The following EYS variants were observed in gnomAD, a reference collection of about 807,000 sequenced individuals.
EYS encodes EGF-like photoreceptor maintenance factor, also known as protein eyes shut homolog.
EYS carries 250 observed loss-of-function variants against 282.1 expected under a neutral mutation model. That is an observed-to-expected ratio of 0.89 (90% CI 0.80 to 0.98). The LOEUF is 0.98. EYS is among the 50% of genes least tolerant of loss of function. EYS has a pLI of 0.00. For synonymous variants in EYS, 1,355 were observed against 1,282.9 expected, an observed-to-expected ratio of 1.06 and a Z score of -1.20; for missense variants, 4,016 against 3,709.0, an observed-to-expected ratio of 1.08 and a Z score of -2.15.
Position 64,026,004 on chromosome 6 carries a change from T to C in EYS, c.6726-26821A>G, listed in dbSNP as rs549911921. 2.0e-5 allele frequency among the ~76,000 whole-genome samples: 3 copies of C among 152,316 alleles called. No individual in the cohort carries two copies. The South Asian group carries it at 6.2e-4, about 32-fold the overall frequency. Reference sequence around the variant, plus strand: ...GGGACAGGCAAGGGTGCAGGTTTTTTAGAATGCCTCAGTAGGGACTACTAA... The same window carrying C: ...GGGACAGGCAAGGGTGCAGGTTTTTCAGAATGCCTCAGTAGGGACTACTAA... On this transcript the variant is annotated intron_variant, in intron 33 of 42. Coordinates refer to ENST00000503581, the MANE Select transcript of EYS (RefSeq NM_001142800.2).
intron 22 of EYS, among the ~76,000 whole-genome samples, chr6:64,731,455 A>C (rs1019581136): frequency 6.6e-6 from 1 of 152,248 alleles, no homozygotes; most frequent in African/African-American, 2.4e-5. Flanking sequence ...AAGGAACTTA[A>C]ACAAATGTAC....
intron 11 of EYS, among the ~76,000 whole-genome samples, chr6:65,296,947 C>A (rs2150287045): frequency 6.6e-6 from 1 of 150,380 alleles, no homozygotes; most frequent in South Asian, 2.1e-4. Flanking sequence ...GTTAGAGAGA[C>A]AAAGATTTTT....
chr6:64,525,107 G>T (rs1777874590), intron 26 of EYS, among the ~76,000 whole-genome samples: 1 of 151,840 alleles, frequency 6.6e-6, no homozygotes, highest in African/African-American at 2.4e-5. Context: ...ATTGTGGAAA[G>T]CAGTATGGCA....
intron 12 of EYS, among the ~76,000 whole-genome samples, chr6:65,232,663 G>A (rs1322332055): frequency 6.6e-6 from 1 of 152,046 alleles, no homozygotes; most frequent in Non-Finnish European, 1.5e-5. Context: ...ATTAACTGAA[G>A]TCCATACTTG....
intron 31 of EYS, among the ~76,000 whole-genome samples, chr6:64,106,823 T>C (rs75100226): frequency 0.031 from 4,725 of 152,120 alleles, 204 homozygotes; most frequent in African/African-American, 0.098. Flanking sequence ...TTATACCTTT[T>C]GTAGTCATCT....
chr6:64,040,662 A>T (rs1051993597), intron 33 of EYS, among the ~76,000 whole-genome samples: 4 of 152,252 alleles, frequency 2.6e-5, no homozygotes, highest in African/African-American at 9.6e-5. Flanking sequence ...CAAATACAGC[A>T]CACTTAAAAT....
At chr6:64,739,144 C>G (rs137898713) in intron 22 of EYS, among the ~76,000 whole-genome samples, 6 of 152,282 alleles carry the variant, frequency 3.9e-5, no homozygotes, top group Admixed American at 3.9e-4. Flanking sequence ...CAATCAAATA[C>G]TCTTTTTCAT....
rs568570813 is a variant in EYS, at chr6:65,264,365, A to G, written c.2023+31498T>C. ...AAATTGTAACTACATTTCATTGCAAATTGTTTTCATTACTTTTAAACATGC... is the reference window on the plus strand; with the variant it reads ...AAATTGTAACTACATTTCATTGCAAGTTGTTTTCATTACTTTTAAACATGC... On this transcript the variant is annotated intron_variant, in intron 12 of 42. Transcript: ENST00000503581. Among the ~76,000 whole-genome samples, 13 of 152,252 alleles carry G rather than the reference A, an allele frequency of 8.5e-5. No homozygotes were observed. In the South Asian group the frequency reaches 2.7e-3, roughly 32 times the overall value.
chr6:65,023,444 T>C (rs1350508966), intron 13 of EYS, among the ~76,000 whole-genome samples: 1 of 152,226 alleles, frequency 6.6e-6, no homozygotes, highest in Non-Finnish European at 1.5e-5. Flanking sequence ...GAAAAATTGT[T>C]GAAATTGTTT....
chr6:63,855,013 C>G (rs560809996), intron 36 of EYS, among the ~76,000 whole-genome samples: 1 of 152,330 alleles, frequency 6.6e-6, no homozygotes, highest in Non-Finnish European at 1.5e-5. Context: ...ATACTCCACT[C>G]TGGGAACCAT....
intron 19 of EYS, among the ~76,000 whole-genome samples, chr6:64,831,484 T>C (rs1765215046): frequency 6.6e-6 from 1 of 151,924 alleles, no homozygotes; most frequent in African/African-American, 2.4e-5. Context: ...TCTATAAATA[T>C]CCCAGGTTTG....
At chr6:64,968,583 AT>A (rs1770179862) in intron 14 of EYS, among the ~76,000 whole-genome samples, 1 of 152,136 alleles carries the variant, frequency 6.6e-6, no homozygotes, top group African/African-American at 2.4e-5. Flanking sequence ...TCGAAGCAGT[AT>A]TATTTTTTTC....
intron 35 of EYS, among the ~76,000 whole-genome samples, chr6:63,906,456 A>G (rs368611200): frequency 6.6e-6 from 1 of 152,170 alleles, no homozygotes; most frequent in African/African-American, 2.4e-5. Flanking sequence ...AACTGTGTCC[A>G]TTGTCAGTGA....
intron 2 of EYS, among the ~76,000 whole-genome samples, chr6:65,517,046 A>C (rs1392200921): frequency 1.3e-5 from 2 of 151,994 alleles, no homozygotes; most frequent in African/African-American, 4.8e-5. Flanking sequence ...TGTCTATTAC[A>C]TGAACTTATT....
chr6:65,662,662 G>A (rs536870683), intron 1 of EYS, among the ~76,000 whole-genome samples: 3 of 152,244 alleles, frequency 2.0e-5, no homozygotes, highest in African/African-American at 4.8e-5. Context: ...TGGAAACCCC[G>A]TATTGAAGAA....
Position 64,203,959 on chromosome 6 carries a change from A to G in EYS, c.6424+26633T>C, listed in dbSNP as rs543783920. ...TAATTACAACTATCATTTCTTTCTT[A>G]AAATACATTAGTATCCAATATAAAT... is the stretch of plus-strand genomic sequence containing the variant. On this transcript the variant is annotated intron_variant, in intron 31 of 42. Transcript: ENST00000503581. Among the ~76,000 whole-genome samples the G allele has an allele frequency of 2.0e-5, 3 of 152,308 alleles. No homozygotes were observed. In the South Asian group the frequency reaches 6.2e-4, roughly 32 times the overall value.
intron 41 of EYS, among the ~76,000 whole-genome samples, chr6:63,747,213 C>G (rs1769231384): frequency 6.6e-6 from 1 of 152,114 alleles, no homozygotes; most frequent in South Asian, 2.1e-4. Flanking sequence ...TACCCAGTAG[C>G]CAATTGGGAG....
At chr6:64,231,148 G>A (rs1194742525) in intron 30 of EYS, among the ~76,000 whole-genome samples, 1 of 152,086 alleles carries the variant, frequency 6.6e-6, no homozygotes, top group Non-Finnish European at 1.5e-5. Context: ...TCAAGAATTA[G>A]GTCATGTTAC....
intron 12 of EYS, among the ~76,000 whole-genome samples, chr6:65,290,371 A>G (rs1768490536): frequency 6.6e-6 from 1 of 151,122 alleles, no homozygotes; most frequent in Admixed American, 6.6e-5. Context: ...AATACAAAAG[A>G]TGAAAAAAAT....
Sources: gnomAD v4.1 joint callset for allele counts (sites outside exome capture counted in the v4.1 genomes callset) on GRCh38, gnomAD v4.1.1 for gene constraint, MANE v1.5 for transcripts, NCBI Gene and HGNC (gene_info 2026-07-23, HGNC 2026-07-21) for gene names.